PDZD8: variants seen among roughly 807,000 people sequenced by gnomAD.
PDZD8 encodes PDZ domain containing 8.
A neutral mutation model predicts 85.8 loss-of-function variants in PDZD8; 14 were observed. The observed-to-expected ratio is 0.16, with a 90% CI of 0.11 to 0.26. PDZD8 has a LOEUF of 0.26. PDZD8 is among the 10% of genes least tolerant of loss of function. PDZD8 has a pLI of 1.00. For synonymous variants in PDZD8, 592 were observed against 568.6 expected (o/e 1.04, Z -0.59); for missense variants, 1,197 against 1,424.3 (o/e 0.84, Z 2.57).
intron 3 of PDZD8, among the ~76,000 whole-genome samples, chr10:117,304,021 G>C (rs1475695681): frequency 2.0e-5 from 3 of 152,182 alleles, no homozygotes; most frequent in Non-Finnish European, 4.4e-5. Flanking sequence ...TGTGAGAAGA[G>C]GGCCACCATC....
At chr10:117,346,978 AC>A (rs909888701) in intron 1 of PDZD8, among the ~76,000 whole-genome samples, 73 of 151,828 alleles carry the variant, frequency 4.8e-4, no homozygotes, top group African/African-American at 1.7e-3. Flanking sequence ...TAAATCAGAG[AC>A]CCTCTTTTGA....
At chr10:117,364,063 G>A (rs1477662597) in intron 1 of PDZD8, among the ~76,000 whole-genome samples, 1 of 152,116 alleles carries the variant, frequency 6.6e-6, no homozygotes, top group Non-Finnish European at 1.5e-5. Flanking sequence ...ACACATATGT[G>A]TTTAGTATTT....
chr10:117,332,875 TG>T (rs1179512289), intron 2 of PDZD8, among the ~76,000 whole-genome samples: 6 of 150,192 alleles, frequency 4.0e-5, no homozygotes, highest in Admixed American at 1.3e-4. Context: ...CCCAGCACTT[TG>T]GGGGGCCAAG....
intron 3 of PDZD8, among the ~76,000 whole-genome samples, chr10:117,291,035 A>G (rs1175039412): frequency 1.3e-5 from 2 of 151,218 alleles, no homozygotes; most frequent in Non-Finnish European, 3.0e-5. Context: ...ACGCCTGGCA[A>G]GTTTTTGTAT....
rs1293491152 is a variant in PDZD8, at chr10:117,282,182, A to G, written c.*1086T>C. 1.3e-5 allele frequency: 2 copies of G among 152,226 alleles called. No homozygotes were observed. The highest frequency in any genetic ancestry group is 2.9e-5 in the Non-Finnish European group (2 of 68,026). The allele number at this position is 152,226 out of a possible 1,614,324, so 9.4% of individuals were successfully genotyped here. A position where few individuals can be genotyped will look rare whatever the true frequency, so the allele number is the denominator to read the frequency against. ...ACTGTAAGACGCCAAAGCAAAAAGT[A>G]TATTTTGCATGATTCCTTTCCTTCA... is the stretch of plus-strand genomic sequence containing the variant. On this transcript the variant is annotated 3_prime_UTR_variant, in exon 5 of 5. Transcript: ENST00000334464.
chr10:117,374,466 C>T lies in PDZD8; in HGVS notation c.762G>A (p.Glu254=). 1 of 1,614,158 alleles carries T rather than the reference C, an allele frequency of 6.2e-7. No homozygotes were observed. The highest frequency in any genetic ancestry group is 8.5e-7 in the Non-Finnish European group (1 of 1,180,010). Residue 254 remains glutamate (E), a synonymous_variant, in exon 1 of 5, where the codon GAG becomes GAA. Coordinates refer to ENST00000334464, the MANE Select transcript of PDZD8 (RefSeq NM_173791.5). The surrounding 1 kb of genome is among the most constrained non-coding windows in gnomAD (Gnocchi z 7.8). ...GCCGCCCTTCAAACTGGGAGCGCAC[C>T]TCGAAGTCGATCAGCGGGTCTTCCA... ...SFVEDPLIDF[E]VRSQFEGRPM...
chr10:117,369,451 A>C (rs1273106240), intron 1 of PDZD8, among the ~76,000 whole-genome samples: 3 of 152,140 alleles, frequency 2.0e-5, no homozygotes, highest in Non-Finnish European at 2.9e-5. Flanking sequence ...GAGCCACCGC[A>C]CCTGGCCAAC....
intron 1 of PDZD8, among the ~76,000 whole-genome samples, chr10:117,359,137 A>G (rs1042525343): frequency 6.6e-6 from 1 of 152,154 alleles, no homozygotes; most frequent in African/African-American, 2.4e-5. Flanking sequence ...AGTCAGGGCC[A>G]GGCGTGGTGG....
intron 3 of PDZD8, among the ~76,000 whole-genome samples, chr10:117,317,883 C>T (rs866868219): frequency 2.0e-5 from 3 of 152,154 alleles, no homozygotes; most frequent in East Asian, 1.9e-4. Context: ...CTTTCATAAA[C>T]GCAAACACTG....
intron 2 of PDZD8, among the ~76,000 whole-genome samples, chr10:117,322,330 C>G (rs1369723237): frequency 6.6e-6 from 1 of 152,142 alleles, no homozygotes; most frequent in East Asian, 1.9e-4. Context: ...GTGCTGCTGA[C>G]CCCCCTTTTG....
chr10:117,285,374 A>G lies in PDZD8; in HGVS notation c.1359T>C (p.Asn453=), dbSNP rs762226430. Residue 453 remains asparagine, a synonymous_variant, in exon 5 of 5, where the codon AAT becomes AAC. Coordinates refer to ENST00000334464, the MANE Select transcript of PDZD8 (RefSeq NM_173791.5). ...VYYERPVGQS[N]QGAVLQDNFG... ...AGTTATCTTGCAGCACTGCACCTTGATTACTCTGGCCAACAGGCCTTTCAT... is the reference window on the plus strand; with the variant it reads ...AGTTATCTTGCAGCACTGCACCTTGGTTACTCTGGCCAACAGGCCTTTCAT... The G allele has an allele frequency of 6.2e-7, 1 of 1,614,130 alleles. No individual in the cohort carries two copies. The highest frequency in any genetic ancestry group is 8.5e-7 in the Non-Finnish European group (1 of 1,180,022).
chr10:117,321,501 T>A (rs539762916), intron 2 of PDZD8, among the ~76,000 whole-genome samples: 3 of 152,258 alleles, frequency 2.0e-5, no homozygotes, highest in African/African-American at 4.8e-5. Context: ...AAAATGGGCA[T>A]TACTGATAAT....
intron 2 of PDZD8, among the ~76,000 whole-genome samples, chr10:117,336,105 T>C (rs1351177577): frequency 6.6e-6 from 1 of 152,242 alleles, no homozygotes; most frequent in African/African-American, 2.4e-5. Flanking sequence ...TTGTTTCATA[T>C]ACACTTTATA....
At chr10:117,318,822 T>C in intron 3 of PDZD8, 50 bp downstream of exon 3, 1 of 1,318,990 alleles carries the variant, frequency 7.6e-7, no homozygotes, top group South Asian at 1.2e-5. Context: ...AAATGCATGC[T>C]TATAAAATAG....
intron 3 of PDZD8, among the ~76,000 whole-genome samples, chr10:117,295,185 A>G (rs544930687): frequency 6.6e-6 from 1 of 152,182 alleles, no homozygotes; most frequent in East Asian, 1.9e-4. Context: ...AAAACCCAAA[A>G]AAGACTGAAA....
intron 4 of PDZD8, among the ~76,000 whole-genome samples, chr10:117,286,631 T>C (rs1246231391): frequency 6.6e-6 from 1 of 152,218 alleles, no homozygotes; most frequent in Admixed American, 6.5e-5. Context: ...ATTTTTCACC[T>C]CTTACAATCC....
At chr10:117,358,286 G>A (rs536209746) in intron 1 of PDZD8, among the ~76,000 whole-genome samples, 126 of 152,066 alleles carry the variant, frequency 8.3e-4, no homozygotes, top group African/African-American at 2.7e-3. Flanking sequence ...TTTTACTGTG[G>A]GGATTCAATG....
At chr10:117,306,248 C>T (rs139012289) in intron 3 of PDZD8, among the ~76,000 whole-genome samples, 24 of 152,218 alleles carry the variant, frequency 1.6e-4, no homozygotes, top group African/African-American at 4.6e-4. Context: ...AAAGTAAACT[C>T]TATTATACAA....
In PDZD8 at chr10:117,285,388, C is replaced by T. The variant is rs571234818; in HGVS notation, c.1345G>A (p.Val449Ile). 1 of 1,614,174 alleles carries T rather than the reference C, an allele frequency of 6.2e-7. No individual in the cohort carries two copies. Among genetic ancestry groups the T allele is most frequent in the East Asian group, 2.2e-5 (1 of 44,872 alleles). Residue 449 changes from valine to isoleucine, a missense_variant, in exon 5 of 5, where the codon GTT (valine) becomes ATT (isoleucine). Physicochemically the swap from Val to Ile is conservative, Grantham distance 29. This residue lies in a region of PDZD8 where 344 missense variants were observed against 453.6 expected (regional missense o/e 0.76). Coordinates refer to ENST00000334464, the MANE Select transcript of PDZD8 (RefSeq NM_173791.5). ...DRVLVYYERP[V>I]GQSNQGAVLQ... ...ACTGCACCTTGATTACTCTGGCCAA[C>T]AGGCCTTTCATAGTACACCAGGACT...
Sources: allele counts gnomAD v4.1 joint callset (sites outside exome capture counted in the v4.1 genomes callset), GRCh38; gene constraint gnomAD v4.1.1; regional missense constraint gnomAD v4.1.1; non-coding constraint Gnocchi (gnomAD v3.1); transcripts MANE v1.5; gene names NCBI Gene and HGNC (gene_info 2026-07-23, HGNC 2026-07-21).